The following BLTP3A variants were observed in gnomAD, a reference collection of about 807,000 sequenced individuals.
BLTP3A encodes the protein ICBP90 binding protein 1.
the BLTP3A span, among the ~76,000 whole-genome samples, chr6:34,864,646 A>C: frequency 6.6e-6 from 1 of 151,738 alleles, no homozygotes; most frequent in African/African-American, 2.4e-5. Flanking sequence ...AGTTTATTGA[A>C]ATAATAGAAA....
At chr6:34,844,620 A>C in the BLTP3A span, among the ~76,000 whole-genome samples, 1 of 152,120 alleles carries the variant, frequency 6.6e-6, no homozygotes, top group Non-Finnish European at 1.5e-5. Context: ...CATGATATTG[A>C]GCACTTTTTC....
At chr6:34,800,960 C>G in the BLTP3A span, among the ~76,000 whole-genome samples, 64 of 152,182 alleles carry the variant, frequency 4.2e-4, no homozygotes, top group Middle Eastern at 0.01. Context: ...AACTCCTGGC[C>G]TCAAGTAATC....
the BLTP3A span, chr6:34,858,111 T>A: frequency 1.2e-6 from 2 of 1,605,988 alleles, no homozygotes; most frequent in Non-Finnish European, 1.7e-6. Context: ...TGTGTTTCAT[T>A]TTCTCTGTGA....
At chr6:34,867,631 C>A in the BLTP3A span, 1 of 1,607,422 alleles carries the variant, frequency 6.2e-7, no homozygotes, top group South Asian at 1.1e-5. Context: ...GGATGGTAGT[C>A]ATTCCACGAC....
the BLTP3A span, among the ~76,000 whole-genome samples, chr6:34,824,594 A>C: frequency 6.6e-6 from 1 of 151,202 alleles, no homozygotes. Flanking sequence ...CCTTAATATC[A>C]TCTAGTACCT....
chr6:34,811,824 T>C, the BLTP3A span, among the ~76,000 whole-genome samples: 8 of 151,952 alleles, frequency 5.3e-5, no homozygotes, highest in African/African-American at 1.9e-4. Flanking sequence ...GCCACTGTAC[T>C]CCAGCCTGGG....
At chr6:34,803,339 T>G in the BLTP3A span, among the ~76,000 whole-genome samples, 3 of 152,102 alleles carry the variant, frequency 2.0e-5, no homozygotes, top group Admixed American at 2.0e-4. Flanking sequence ...TTTGCTCTTG[T>G]ACACTCTTTT....
the BLTP3A span, among the ~76,000 whole-genome samples, chr6:34,831,623 G>C: frequency 5.9e-5 from 9 of 152,210 alleles, no homozygotes; most frequent in Middle Eastern, 3.4e-3. Flanking sequence ...TGAATCTCTA[G>C]TCCATCTTGG....
At chr6:34,829,071 C>T in the BLTP3A span, among the ~76,000 whole-genome samples, 59 of 147,024 alleles carry the variant, frequency 4.0e-4, no homozygotes, top group South Asian at 8.2e-3. Flanking sequence ...ACCAAAGAAG[C>T]CAAGCCAGCA....
At chr6:34,837,426 A>G in the BLTP3A span, among the ~76,000 whole-genome samples, 1 of 151,916 alleles carries the variant, frequency 6.6e-6, no homozygotes, top group African/African-American at 2.4e-5. Context: ...GCTCACGCCT[A>G]TAGTCCTATC....
the BLTP3A span, chr6:34,834,267 A>G: frequency 1.9e-5 from 31 of 1,613,948 alleles, 1 homozygote; most frequent in South Asian, 1.2e-4. Flanking sequence ...ATCATTGTCA[A>G]TTCTATCACC....
At chr6:34,823,176 G>GATGA in the BLTP3A span, 1 of 1,212,420 alleles carries the variant, frequency 8.2e-7, no homozygotes, top group Non-Finnish European at 1.2e-6. Context: ...GGAGCACGGA[G>GATGA]ATGAATGACA....
At chr6:34,798,973 G>A in the BLTP3A span, among the ~76,000 whole-genome samples, 7 of 151,914 alleles carry the variant, frequency 4.6e-5, no homozygotes, top group Admixed American at 2.6e-4. Flanking sequence ...ACAGGGTCTC[G>A]CTCTGTTGCC....
At chr6:34,862,173 T>TG in the BLTP3A span, among the ~76,000 whole-genome samples, 1 of 151,088 alleles carries the variant, frequency 6.6e-6, no homozygotes, top group African/African-American at 2.4e-5. Context: ...GGCCAGGAGA[T>TG]GAGACCATCC....
At chr6:34,815,038 G>A in the BLTP3A span, among the ~76,000 whole-genome samples, 2 of 152,094 alleles carry the variant, frequency 1.3e-5, no homozygotes, top group East Asian at 1.9e-4. Context: ...CTTCATATCC[G>A]AACCTCATGC....
At chr6:34,853,782 G>A in the BLTP3A span, among the ~76,000 whole-genome samples, 1 of 151,728 alleles carries the variant, frequency 6.6e-6, no homozygotes, top group East Asian at 2.0e-4. Flanking sequence ...GCTGAGTCTC[G>A]AACTCCTGAC....
chr6:34,859,855 G>C, the BLTP3A span, among the ~76,000 whole-genome samples: 1 of 151,740 alleles, frequency 6.6e-6, no homozygotes, highest in Non-Finnish European at 1.5e-5. Flanking sequence ...CAATCCTCCT[G>C]CCTTGGCTTC....
At chr6:34,794,790 GTT>G in the BLTP3A span, among the ~76,000 whole-genome samples, 33,051 of 145,522 alleles carry the variant, frequency 0.23, 4,458 homozygotes, top group African/African-American at 0.39. Context: ...GAGTTTTTTT[GTT>G]TTTTTTTTTT....
the BLTP3A span, among the ~76,000 whole-genome samples, chr6:34,804,049 A>G: frequency 6.6e-6 from 1 of 152,172 alleles, no homozygotes; most frequent in Non-Finnish European, 1.5e-5. Flanking sequence ...ATATAGTAGT[A>G]TGTGTATCCT....
Sources: allele counts gnomAD v4.1 joint callset (sites outside exome capture counted in the v4.1 genomes callset), GRCh38; gene constraint gnomAD v4.1.1; transcripts MANE v1.5; gene names NCBI Gene and HGNC (gene_info 2026-07-23, HGNC 2026-07-21).